Variants in BAHD1 observed in about 807,000 individuals in gnomAD.
The protein encoded by BAHD1 is bromo adjacent homology domain-containing 1 protein.
A neutral mutation model predicts 63.1 loss-of-function variants in BAHD1; 20 were observed. The observed-to-expected ratio is 0.32, with a 90% CI of 0.22 to 0.46. BAHD1 has a LOEUF of 0.46. Among genes scored for constraint, BAHD1 ranks in the 20% least tolerant of loss-of-function variants. The pLI, the probability that BAHD1 is intolerant of heterozygous loss-of-function variation, is 1.00. For synonymous variants in BAHD1, 408 were observed against 426.8 expected (o/e 0.96, Z 0.54); for missense variants, 939 against 1,071.8 (o/e 0.88, Z 1.73).
chr15:40,445,675 A>G (rs988511178), intron 1 of BAHD1, among the ~76,000 whole-genome samples: 14 of 152,228 alleles, frequency 9.2e-5, no homozygotes, highest in African/African-American at 3.4e-4. Flanking sequence ...CCCCGACATT[A>G]AAGGGCCTCC....
At chr15:40,445,539 G>A (rs535394381) in intron 1 of BAHD1, among the ~76,000 whole-genome samples, 7 of 152,220 alleles carry the variant, frequency 4.6e-5, no homozygotes, top group African/African-American at 1.7e-4. Context: ...GCACCCTGTC[G>A]CAAGGTGAGT....
chr15:40,448,797 G>GTGT (rs1406836777), intron 1 of BAHD1, among the ~76,000 whole-genome samples: 19 of 151,736 alleles, frequency 1.3e-4, no homozygotes, highest in Middle Eastern at 3.4e-3. Flanking sequence ...TAGGTTACAG[G>GTGT]TGTGAGCCAC....
intron 5 of BAHD1, 58 bp from the exon 6 acceptor site, chr15:40,465,277 C>A: frequency 6.7e-7 from 1 of 1,498,434 alleles, no homozygotes; most frequent in Non-Finnish European, 9.3e-7. Flanking sequence ...GTCTGCCTTG[C>A]TCTGGGAATG....
In BAHD1 at chr15:40,458,121, G is replaced by C. The variant is rs1006246974; in HGVS notation, c.-14-330G>C. ...ATGAATATCTAGTGAGAGAAGGACA[G>C]GGGGAGAGAACAAAGAGCTTTGCCA... On this transcript the variant is annotated intron_variant, in intron 1 of 6. Transcript: ENST00000416165. The surrounding 1 kb of genome is among the most constrained non-coding windows in gnomAD (Gnocchi z 4.7). 6.6e-5 allele frequency among the ~76,000 whole-genome samples: 10 copies of C among 152,298 alleles called. No homozygotes were observed. Among genetic ancestry groups the C allele is most frequent in the Admixed American group, 5.2e-4 (8 of 15,306 alleles).
chr15:40,460,102 C>T (rs1423240326), intron 2 of BAHD1, among the ~76,000 whole-genome samples: 1 of 152,154 alleles, frequency 6.6e-6, no homozygotes, highest in Non-Finnish European at 1.5e-5. Flanking sequence ...CTCTGGACAG[C>T]CTTGCTCTGC....
chr15:40,451,073 G>A (rs1893684933), intron 1 of BAHD1, among the ~76,000 whole-genome samples: 1 of 150,352 alleles, frequency 6.7e-6, no homozygotes. Flanking sequence ...GAACCCAGGA[G>A]GCGGAGGTTG....
intron 6 of BAHD1, 121 bp from the exon 7 acceptor site, chr15:40,465,820 A>G (rs1894183113): frequency 3.0e-6 from 3 of 1,016,764 alleles, no homozygotes; most frequent in Non-Finnish European, 4.4e-6. Context: ...TGGAGACAGT[A>G]CCACCCCTTG....
intron 1 of BAHD1, among the ~76,000 whole-genome samples, chr15:40,445,078 C>G (rs149424181): frequency 1.3e-3 from 203 of 152,132 alleles, no homozygotes; most frequent in Admixed American, 2.2e-3. Flanking sequence ...TGCTGTGTGT[C>G]CTAGAACACA....
Position 40,465,955 on chromosome 15 carries a change from C to T in BAHD1, c.2168C>T (p.Ala723Val), listed in dbSNP as rs1487344048. Residue 723 changes from alanine (A) to valine (V), a missense_variant, in exon 7 of 7, where the codon GCC becomes GTC. Ala to Val is a moderately conservative substitution (Grantham distance 64). Around this residue, in one of 5 missense-constraint regions of BAHD1, gnomAD observed 68 missense variants for 86.2 expected, o/e 0.79. Coordinates refer to ENST00000416165, the MANE Select transcript of BAHD1 (RefSeq NM_014952.5). ...TCTCTCTACAGGTTCTGTGCCATGGCCAAGCGCCGAGGTGAAGGCCTCCCC... is the reference window on the plus strand; with the variant it reads ...TCTCTCTACAGGTTCTGTGCCATGGTCAAGCGCCGAGGTGAAGGCCTCCCC... ...FAEYCRFCAM[A>V]KRRGEGLPSR... 2 of 1,595,754 alleles carry T rather than the reference C, an allele frequency of 1.3e-6. No individual in the cohort carries two copies. The highest frequency in any genetic ancestry group is 3.5e-5 in the Admixed American group (2 of 56,758).
chr15:40,458,917 C>A lies in BAHD1; in HGVS notation c.453C>A (p.Pro151=). ...CCCGCCGCAGTCGAGCAGGGGATCCCCACCGCAGCCGTGACCGTGATCGTG... is the reference window on the plus strand; with the variant it reads ...CCCGCCGCAGTCGAGCAGGGGATCCACACCGCAGCCGTGACCGTGATCGTG... The part of the protein sequence containing the change: ...AGTRRSRAGD[P]HRSRDRDRAT... Residue 151 remains proline (P), a synonymous_variant, in exon 2 of 7, where the codon CCC becomes CCA. Coordinates refer to ENST00000416165, the MANE Select transcript of BAHD1 (RefSeq NM_014952.5). The surrounding 1 kb of genome is among the most constrained non-coding windows in gnomAD (Gnocchi z 4.7). The A allele has an allele frequency of 6.3e-7, 1 of 1,597,350 alleles. No homozygotes were observed. The highest frequency in any genetic ancestry group is 1.3e-5 in the African/African-American group (1 of 74,702).
intron 1 of BAHD1, among the ~76,000 whole-genome samples, chr15:40,453,182 G>A (rs1893755428): frequency 1.3e-5 from 2 of 152,324 alleles, no homozygotes; most frequent in African/African-American, 4.8e-5. Flanking sequence ...TGAGGGATCT[G>A]GAGTTTGGAA....
intron 1 of BAHD1, among the ~76,000 whole-genome samples, chr15:40,441,501 C>A (rs1893400533): frequency 6.6e-6 from 1 of 150,892 alleles, no homozygotes; most frequent in Admixed American, 6.6e-5. Context: ...TCCGGCACCA[C>A]GGTCCCGCCA....
chr15:40,465,287 G>A (rs1374499815), intron 5 of BAHD1, 48 bp from the exon 6 acceptor site: 1 of 1,546,758 alleles, frequency 6.5e-7, no homozygotes, highest in Admixed American at 1.7e-5. Flanking sequence ...CTCTGGGAAT[G>A]AGGTGCTTTC....
Position 40,460,598 on chromosome 15 carries a change from C to G in BAHD1, c.1432+702C>G, listed in dbSNP as rs3784401. ...GACAAGACCCAGACACCTGAGAGGC[C>G]CATGCTCCGGCTGTTGAGACACTCC... On this transcript the variant is annotated intron_variant, in intron 2 of 6. Coordinates refer to ENST00000416165, the MANE Select transcript of BAHD1 (RefSeq NM_014952.5). 1.4e-3 allele frequency among the ~76,000 whole-genome samples: 211 copies of G among 152,264 alleles called. 4 individuals are homozygous for G. The East Asian group carries it at 0.039, about 28-fold the overall frequency.
intron 1 of BAHD1, among the ~76,000 whole-genome samples, chr15:40,442,969 C>A (rs890614565): frequency 2.0e-5 from 3 of 152,194 alleles, no homozygotes; most frequent in Non-Finnish European, 4.4e-5. Context: ...CCATCTCCCC[C>A]GGTGACCAGC....
Position 40,458,745 on chromosome 15 carries a change from C to T in BAHD1, c.281C>T (p.Pro94Leu). 1 of 1,613,408 alleles carries T rather than the reference C, an allele frequency of 6.2e-7. No homozygotes were observed. Among genetic ancestry groups the T allele is most frequent in the South Asian group, 1.1e-5 (1 of 91,088 alleles). ...RSADEADELP[P>L]DLPKPPSPAP... Reference sequence around the variant, plus strand: ...GCAGATGAGGCTGATGAGCTACCGCCTGACCTGCCCAAGCCCCCCAGCCCG... The same window carrying T: ...GCAGATGAGGCTGATGAGCTACCGCTTGACCTGCCCAAGCCCCCCAGCCCG... Residue 94 changes from proline (P) to leucine (L), a missense_variant, in exon 2 of 7, where the codon CCT (proline) becomes CTT (leucine). Pro to Leu is a moderately conservative substitution (Grantham distance 98). Transcript: ENST00000416165. This position sits in a 1 kb window ranked among gnomAD's most constrained non-coding sequence, Gnocchi z 4.7.
chr15:40,455,215 C>T (rs1893814431), intron 1 of BAHD1, among the ~76,000 whole-genome samples: 1 of 152,166 alleles, frequency 6.6e-6, no homozygotes, highest in African/African-American at 2.4e-5. Context: ...GGGAGTCTAG[C>T]AGGAGGCTGT....
At chr15:40,464,082 A>C in intron 4 of BAHD1, 62 bp downstream of exon 4, 1 of 1,572,004 alleles carries the variant, frequency 6.4e-7, no homozygotes, top group Non-Finnish European at 8.7e-7. Flanking sequence ...TGTAGTCCCC[A>C]GATTGGCCCC....
upstream of BAHD1, among the ~76,000 whole-genome samples, chr15:40,437,468 C>G (rs537336077): frequency 5.0e-4 from 76 of 152,312 alleles, 2 homozygotes; most frequent in South Asian, 0.011. Context: ...CAGGGGCTTC[C>G]TATGATGGGG....
Sources: gnomAD v4.1 joint callset for allele counts (sites outside exome capture counted in the v4.1 genomes callset) on GRCh38, gnomAD v4.1.1 for gene constraint, gnomAD v4.1.1 regional missense constraint, Gnocchi (gnomAD v3.1) non-coding constraint, MANE v1.5 for transcripts, NCBI Gene and HGNC (gene_info 2026-07-23, HGNC 2026-07-21) for gene names.